Variants in CSMD3 observed in about 807,000 individuals in gnomAD.
The protein encoded by CSMD3 is CUB and sushi domain-containing protein 3.
A neutral mutation model predicts 435.2 loss-of-function variants in CSMD3; 177 were observed. The ratio of observed to expected loss-of-function variants is 0.41; its 90% CI spans 0.36 to 0.46. The LOEUF (loss-of-function observed/expected upper bound fraction) is 0.46. CSMD3 is among the 20% of genes least tolerant of loss of function. CSMD3 has a pLI of 0.34. For synonymous variants in CSMD3, 1,656 were observed against 1,520.5 expected, an observed-to-expected ratio of 1.09 and a Z score of -2.07; for missense variants, 4,265 against 4,504.6, an observed-to-expected ratio of 0.95 and a Z score of 1.52.
intron 5 of CSMD3, among the ~76,000 whole-genome samples, chr8:113,064,253 C>T (rs539567634): frequency 6.6e-6 from 1 of 151,852 alleles, no homozygotes; most frequent in East Asian, 1.9e-4. Context: ...TAGGTAGTAA[C>T]CTTAAGAAAT....
At chr8:113,217,567 T>C (rs1265473634) in intron 3 of CSMD3, among the ~76,000 whole-genome samples, 1 of 151,692 alleles carries the variant, frequency 6.6e-6, no homozygotes, top group Non-Finnish European at 1.5e-5. Flanking sequence ...CTATCTGAAA[T>C]GAATAATTTA....
At chr8:112,543,275 AG>A (rs1368208868) in intron 27 of CSMD3, among the ~76,000 whole-genome samples, 1 of 152,178 alleles carries the variant, frequency 6.6e-6, no homozygotes, top group Non-Finnish European at 1.5e-5. Flanking sequence ...CCAACTTAAA[AG>A]CTTCTGTACA....
chr8:113,396,039 C>T lies in CSMD3; in HGVS notation c.178+40638G>A, dbSNP rs2094482027. On this transcript the variant is annotated intron_variant, in intron 1 of 70. Coordinates refer to ENST00000297405, the MANE Select transcript of CSMD3 (RefSeq NM_198123.2). The stretch of plus-strand genomic sequence containing the variant: ...GAGGAGAGGAGCTCCAAATGACAAT[C>T]GATGTCCATTTCACTAACCATGTCA... 2.0e-5 allele frequency among the ~76,000 whole-genome samples: 3 copies of T among 152,076 alleles called. No homozygotes were observed. The South Asian group carries it at 6.2e-4, about 32-fold the overall frequency.
chr8:112,410,652 G>GTATATATATGTATA (rs1832308052), intron 32 of CSMD3, among the ~76,000 whole-genome samples: 8 of 36,596 alleles, frequency 2.2e-4, no homozygotes, highest in Non-Finnish European at 2.7e-4. Context: ...ATATATATGT[G>GTATATATATGTATA]TATATATATG....
At chr8:112,692,467 A>G (rs1314869655) in intron 13 of CSMD3, among the ~76,000 whole-genome samples, 1 of 152,156 alleles carries the variant, frequency 6.6e-6, no homozygotes, top group Non-Finnish European at 1.5e-5. Flanking sequence ...GAGGTCTTGC[A>G]GTGGATAAAT....
In CSMD3 at chr8:112,685,302, A is replaced by C. The variant is rs1168060809; in HGVS notation, c.2482+104T>G. The stretch of plus-strand genomic sequence containing the variant: ...CACAATGAGATTTACAGCTTTTACA[A>C]ATTTTCTTAACTAGGAAACAAGGGA... On this transcript the variant is annotated intron_variant, in intron 15 of 70. Coordinates refer to ENST00000297405, the MANE Select transcript of CSMD3 (RefSeq NM_198123.2). The C allele has an allele frequency of 4.4e-6, 4 of 911,884 alleles. No homozygotes were observed. In the Admixed American group the frequency reaches 7.0e-5, roughly 16 times the overall value. The allele number at this position is 911,884 out of a possible 1,614,324, so 56.5% of individuals were successfully genotyped here.
chr8:112,678,514 G>A (rs1303101274), intron 16 of CSMD3, among the ~76,000 whole-genome samples: 1 of 152,146 alleles, frequency 6.6e-6, no homozygotes, highest in Non-Finnish European at 1.5e-5. Context: ...AATCAGAGCT[G>A]AGAAAAATAA....
intron 61 of CSMD3, among the ~76,000 whole-genome samples, chr8:112,262,771 G>T (rs1001330333): frequency 6.6e-6 from 1 of 152,046 alleles, no homozygotes; most frequent in Non-Finnish European, 1.5e-5. Flanking sequence ...TGGATGAAGG[G>T]GTGAGTAGTA....
At chr8:112,655,418 A>G (rs2075232460) in intron 18 of CSMD3, among the ~76,000 whole-genome samples, 1 of 152,114 alleles carries the variant, frequency 6.6e-6, no homozygotes, top group African/African-American at 2.4e-5. Context: ...ACATATGTAA[A>G]TTTATATGTT....
intron 6 of CSMD3, among the ~76,000 whole-genome samples, chr8:113,009,905 T>A (rs1379985852): frequency 2.6e-5 from 4 of 151,744 alleles, no homozygotes; most frequent in Non-Finnish European, 5.9e-5. Context: ...TAGCAGATGG[T>A]ATTATTATTT....
chr8:113,237,262 G>A (rs2093161052), intron 3 of CSMD3, among the ~76,000 whole-genome samples: 1 of 152,142 alleles, frequency 6.6e-6, no homozygotes, highest in Non-Finnish European at 1.5e-5. Flanking sequence ...TGATATCGGG[G>A]TGGGAATCAA....
chr8:112,425,953 C>T (rs1030490147), intron 32 of CSMD3, among the ~76,000 whole-genome samples: 9 of 151,994 alleles, frequency 5.9e-5, no homozygotes, highest in African/African-American at 2.2e-4. Flanking sequence ...CTATTTTAGT[C>T]TTCTAAATTT....
At chr8:113,245,367 AAT>A (rs1157911427) in intron 3 of CSMD3, among the ~76,000 whole-genome samples, 2 of 151,810 alleles carry the variant, frequency 1.3e-5, no homozygotes, top group Non-Finnish European at 1.5e-5. Flanking sequence ...TATTGTATTA[AAT>A]ATATGTCCTA....
chr8:112,981,382 T>TA (rs1249395446), intron 6 of CSMD3, among the ~76,000 whole-genome samples: 1 of 151,534 alleles, frequency 6.6e-6, no homozygotes, highest in Non-Finnish European at 1.5e-5. Context: ...AATACTAATT[T>TA]AAAAATATAA....
chr8:112,808,425 T>C (rs979983745), intron 12 of CSMD3, among the ~76,000 whole-genome samples: 1 of 152,204 alleles, frequency 6.6e-6, no homozygotes, highest in African/African-American at 2.4e-5. Context: ...TTTTGGTTCC[T>C]TCACTTGCAG....
intron 45 of CSMD3, among the ~76,000 whole-genome samples, chr8:112,328,526 T>TCCCA (rs1563795860): frequency 2.6e-5 from 4 of 152,194 alleles, no homozygotes. Context: ...CAAGAGTGAA[T>TCCCA]GCTTATTTGG....
intron 1 of CSMD3, among the ~76,000 whole-genome samples, chr8:113,357,784 G>T (rs969676017): frequency 1.3e-5 from 2 of 152,142 alleles, no homozygotes; most frequent in African/African-American, 4.8e-5. Flanking sequence ...CACAAGATCT[G>T]GGTGTTTAAA....
chr8:112,552,649 C>A lies in CSMD3; in HGVS notation c.4306G>T (p.Asp1436Tyr). 1 of 1,612,228 alleles carries A rather than the reference C, an allele frequency of 6.2e-7. No homozygotes were observed. Among genetic ancestry groups the A allele is most frequent in the South Asian group, 1.1e-5 (1 of 91,028 alleles). Residue 1436 changes from aspartate to tyrosine, a missense_variant, in exon 26 of 71, where the codon GAC (aspartate) becomes TAC (tyrosine). Transcript: ENST00000297405. ...ATCCACATGCAACGCAGGTTATTGT[C>A]ATATGGAAAAGGATAGCCAGGAGAT... ...ILSPGYPFPY[D>Y]NNLRCMWMIE... is the part of the protein sequence containing the mutation.
At chr8:113,192,202 GC>G (rs2092596030) in intron 3 of CSMD3, among the ~76,000 whole-genome samples, 1 of 151,620 alleles carries the variant, frequency 6.6e-6, no homozygotes, top group Non-Finnish European at 1.5e-5. Flanking sequence ...AAGGCCCTGT[GC>G]TAATGTTGAT....
Sources: gnomAD v4.1 joint callset for allele counts (sites outside exome capture counted in the v4.1 genomes callset) on GRCh38, gnomAD v4.1.1 for gene constraint, MANE v1.5 for transcripts, NCBI Gene and HGNC (gene_info 2026-07-23, HGNC 2026-07-21) for gene names.